CDC20B: variants seen among roughly 807,000 people sequenced by gnomAD.
The protein encoded by CDC20B is cell division cycle protein 20 homolog B.
Under a neutral mutation model 64.1 loss-of-function variants are expected in CDC20B, and 58 were observed. The observed-to-expected ratio is 0.90, with a 90% CI of 0.73 to 1.13. CDC20B has a LOEUF of 1.13. CDC20B is among the 50% of genes most tolerant of loss of function. The pLI is 0.00. For synonymous variants in CDC20B, 243 were observed against 230.6 expected, an observed-to-expected ratio of 1.05 and a Z score of -0.49; for missense variants, 597 against 633.0, an observed-to-expected ratio of 0.94 and a Z score of 0.61.
intron 2 of CDC20B, chr5:55,161,195 A>G: frequency 1.2e-6 from 2 of 1,614,134 alleles, no homozygotes; most frequent in South Asian, 1.1e-5. Flanking sequence ...AACTTTCCCC[A>G]TCTTCCACAA....
chr5:55,132,232 G>C (rs540924672), intron 6 of CDC20B, among the ~76,000 whole-genome samples: 1 of 152,216 alleles, frequency 6.6e-6, no homozygotes, highest in Admixed American at 6.5e-5. Flanking sequence ...ATAGAGAACT[G>C]TTCCCTTCAG....
chr5:55,147,365 A>G (rs997123116), intron 2 of CDC20B, among the ~76,000 whole-genome samples: 4 of 142,720 alleles, frequency 2.8e-5, no homozygotes, highest in East Asian at 4.0e-4. Context: ...TTATATAAAC[A>G]TAAGTATGTT....
At chr5:55,149,733 G>A (rs922945849) in intron 2 of CDC20B, among the ~76,000 whole-genome samples, 26 of 152,346 alleles carry the variant, frequency 1.7e-4, no homozygotes, top group African/African-American at 6.3e-4. Flanking sequence ...ACTGCTTAAT[G>A]GGTATGGAGT....
At chr5:55,154,450 G>A (rs574219340) in intron 2 of CDC20B, among the ~76,000 whole-genome samples, 262 of 152,220 alleles carry the variant, frequency 1.7e-3, no homozygotes, top group Non-Finnish European at 3.0e-3. Flanking sequence ...CTGGGAGGTC[G>A]ACGCTGCAGT....
At position 55,113,539 on chromosome 5, in the gene CDC20B, C is replaced by T; in HGVS notation, c.*679G>A. On this transcript the variant is annotated 3_prime_UTR_variant, in exon 12 of 12. Transcript: ENST00000381375. ...TCAGTTCTAAGACAATTACAGCAGA[C>T]TGGCTGTCAGGCACACAGGATGTGA... is the stretch of plus-strand genomic sequence containing the variant. 6.5e-6 allele frequency: 1 copy of T among 152,740 alleles called. No individual in the cohort carries two copies. Among genetic ancestry groups the T allele is most frequent in the Non-Finnish European group, 1.5e-5 (1 of 68,402 alleles). 9.5% of individuals were successfully genotyped at this position (152,740 alleles called of 1,614,324 possible).
intron 2 of CDC20B, among the ~76,000 whole-genome samples, chr5:55,151,929 G>A (rs1272104788): frequency 6.6e-6 from 1 of 152,246 alleles, no homozygotes; most frequent in East Asian, 1.9e-4. Context: ...CTATGCAGAT[G>A]TAAGTTCAGG....
chr5:55,165,956 C>G (rs1744361133), intron 2 of CDC20B: 1 of 152,220 alleles, frequency 6.6e-6, no homozygotes, highest in South Asian at 2.1e-4. Flanking sequence ...AAACAGAAGC[C>G]ACCAACAAGC....
chr5:55,139,772 C>A (rs1448027086), intron 5 of CDC20B, among the ~76,000 whole-genome samples: 1 of 152,074 alleles, frequency 6.6e-6, no homozygotes, highest in South Asian at 2.1e-4. Flanking sequence ...TGCCTGTAAT[C>A]CCAGCACTTT....
At chr5:55,132,300 C>T (rs1411496676) in intron 6 of CDC20B, among the ~76,000 whole-genome samples, 1 of 152,120 alleles carries the variant, frequency 6.6e-6, no homozygotes, top group Admixed American at 6.5e-5. Flanking sequence ...GCCCAGACCC[C>T]TTCCCTCTGC....
chr5:55,155,752 C>G (rs1383714124), intron 2 of CDC20B, among the ~76,000 whole-genome samples: 2 of 152,044 alleles, frequency 1.3e-5, no homozygotes, highest in Non-Finnish European at 2.9e-5. Flanking sequence ...GCACCCACCC[C>G]CTTCCTTCCA....
intron 2 of CDC20B, among the ~76,000 whole-genome samples, chr5:55,153,240 TAAAAAAAA>T (rs1206577177): frequency 1.1e-5 from 1 of 87,658 alleles, no homozygotes; most frequent in Non-Finnish European, 2.0e-5. Context: ...CCTTGTCTCA[TAAAAAAAA>T]AAAAAAAAAA....
chr5:55,147,836 T>A (rs961071198), intron 2 of CDC20B, among the ~76,000 whole-genome samples: 1 of 152,172 alleles, frequency 6.6e-6, no homozygotes, highest in Non-Finnish European at 1.5e-5. Flanking sequence ...ATTTCAAATC[T>A]GGATATAAAC....
rs552022104 is a variant in CDC20B at position 55,160,484 on chromosome 5, T to C, written c.126+12104A>G. 5.3e-5 allele frequency: 53 copies of C among 993,140 alleles called. No homozygotes were observed. The East Asian group carries it at 1.2e-3, about 23-fold the overall frequency. 61.5% of individuals were successfully genotyped at this position (993,140 alleles called of 1,614,324 possible). A position where few individuals can be genotyped will look rare whatever the true frequency, so the allele number is the denominator to read the frequency against. On this transcript the variant is annotated intron_variant, in intron 2 of 11. Coordinates refer to ENST00000381375, the MANE Select transcript of CDC20B (RefSeq NM_001170402.1). ...ATAAAATCAATTTTTTGCTGTTACA[T>C]GGTCATAAGTTGGAATTTAGTCTTC...
In CDC20B at chr5:55,125,598, C is replaced by G. The variant is rs540359336; in HGVS notation, c.990-570G>C. ...AGCAAACTGCAATATGATTCCTAAG[C>G]AGTGGATAATGTCTCCATTCATGCT... is the stretch of plus-strand genomic sequence containing the variant. On this transcript the variant is annotated intron_variant, in intron 8 of 11. Coordinates refer to ENST00000381375, the MANE Select transcript of CDC20B (RefSeq NM_001170402.1). Among the ~76,000 whole-genome samples the G allele has an allele frequency of 1.8e-4, 28 of 152,336 alleles. 1 individual carries two copies. The highest frequency in any genetic ancestry group is 6.7e-4 in the African/African-American group (28 of 41,582).
chr5:55,134,592 T>C (rs954062525), intron 5 of CDC20B, among the ~76,000 whole-genome samples: 6 of 152,120 alleles, frequency 3.9e-5, no homozygotes, highest in African/African-American at 1.4e-4. Context: ...TGAAACCCTG[T>C]CACTACAAAA....
At chr5:55,129,386 G>C (rs1345766578) in intron 6 of CDC20B, among the ~76,000 whole-genome samples, 1 of 152,168 alleles carries the variant, frequency 6.6e-6, no homozygotes, top group East Asian at 1.9e-4. Context: ...AAACTGGCGG[G>C]GGGTAAGTTT....
intron 8 of CDC20B, among the ~76,000 whole-genome samples, chr5:55,126,748 A>G (rs1742903493): frequency 6.6e-6 from 1 of 152,174 alleles, no homozygotes; most frequent in South Asian, 2.1e-4. Context: ...AAGTCCCTCA[A>G]GTGAAGCCAG....
At position 55,143,667 on chromosome 5, in the gene CDC20B, GA is replaced by G. The variant is rs1206967554; in HGVS notation, c.356-25del. 4.5e-6 allele frequency: 7 copies of G among 1,559,074 alleles called. No homozygotes were observed. The East Asian group carries it at 1.4e-4, about 30-fold the overall frequency. ...TCCTACAAGAAAGACATTTATCTTT[GA>G]ATTTGGTTTTTAAAACAAGATAATC... is the stretch of plus-strand genomic sequence containing the variant. On this transcript the variant is annotated intron_variant, in intron 3 of 11. Coordinates refer to ENST00000381375, the MANE Select transcript of CDC20B (RefSeq NM_001170402.1).
chr5:55,144,757 A>G (rs336073), intron 3 of CDC20B, among the ~76,000 whole-genome samples: 95,493 of 151,978 alleles, frequency 0.63, 30,325 homozygotes, highest in Admixed American at 0.71. Flanking sequence ...ACTGACAATC[A>G]TCACAGTTAT....
Sources: allele counts gnomAD v4.1 joint callset (sites outside exome capture counted in the v4.1 genomes callset), GRCh38; gene constraint gnomAD v4.1.1; transcripts MANE v1.5; gene names NCBI Gene and HGNC (gene_info 2026-07-23, HGNC 2026-07-21).